Variants in LRRC8A observed in about 807,000 individuals in gnomAD.
LRRC8A encodes leucine rich repeat containing 8 VRAC subunit A, also known as volume-regulated anion channel subunit LRRC8A.
LRRC8A carries 24 observed loss-of-function variants against 52.5 expected under a neutral mutation model. The ratio of observed to expected loss-of-function variants is 0.46; its 90% CI spans 0.33 to 0.64. The LOEUF (loss-of-function observed/expected upper bound fraction) is 0.64, where lower values mean the gene tolerates loss of function less well. Among genes scored for constraint, LRRC8A ranks in the 30% least tolerant of loss-of-function variants. The pLI, the probability that LRRC8A is intolerant of heterozygous loss-of-function variation, is 0.02. For synonymous variants in LRRC8A, 492 were observed against 494.2 expected (o/e 1.00, Z 0.06); for missense variants, 677 against 1,094.7 (o/e 0.62, Z 5.38).
chr9:128,887,787 G>C (rs933225034), intron 2 of LRRC8A, among the ~76,000 whole-genome samples: 6 of 151,952 alleles, frequency 3.9e-5, no homozygotes, highest in Non-Finnish European at 8.8e-5. Flanking sequence ...GACTACAGGC[G>C]CCCGCCACCA....
At chr9:128,910,797 CCTG>C (rs1268282871) in intron 3 of LRRC8A, among the ~76,000 whole-genome samples, 1 of 152,190 alleles carries the variant, frequency 6.6e-6, no homozygotes, top group Non-Finnish European at 1.5e-5. Context: ...GAAAACCACT[CCTG>C]CTTATAAAAA....
At chr9:128,883,088 A>G (rs1023119907) in intron 1 of LRRC8A, among the ~76,000 whole-genome samples, 6 of 151,748 alleles carry the variant, frequency 4.0e-5, no homozygotes, top group African/African-American at 1.5e-4. Flanking sequence ...GGAAGGAGGG[A>G]TGGGTCGGGG....
At chr9:128,889,562 C>G (rs1278483557) in intron 2 of LRRC8A, among the ~76,000 whole-genome samples, 1 of 151,628 alleles carries the variant, frequency 6.6e-6, no homozygotes, top group Non-Finnish European at 1.5e-5. Context: ...GTGGCACAAT[C>G]TTGCTCACTG....
chr9:128,907,248 A>C lies in LRRC8A; in HGVS notation c.84A>C (p.Thr28=), dbSNP rs1211225967. ...RILKPWWDVF[T]DYISIVMLMI... is the part of the protein sequence containing the mutation. ...TGAAGCCGTGGTGGGATGTGTTCACAGACTACATCTCTATCGTCATGCTGA... is the reference window on the plus strand; with the variant it reads ...TGAAGCCGTGGTGGGATGTGTTCACCGACTACATCTCTATCGTCATGCTGA... The change falls in exon 3 of 4, where the codon ACA becomes ACC. Residue 28 remains threonine, a synonymous_variant. Coordinates refer to ENST00000372600, the MANE Select transcript of LRRC8A (RefSeq NM_019594.4). The surrounding 1 kb of genome is among the most constrained non-coding windows in gnomAD (Gnocchi z 9.3). 1 of 1,614,102 alleles carries C rather than the reference A, an allele frequency of 6.2e-7. No homozygotes were observed. Among genetic ancestry groups the C allele is most frequent in the South Asian group, 1.1e-5 (1 of 91,088 alleles).
rs531486624 is a variant in LRRC8A at position 128,899,331 on chromosome 9, G to C, written c.-8-7826G>C. ...GCCACCCCCACCCCACGCCTCAAAG[G>C]CTCCCTTCCCTTCCGGGGCATTTCT... On this transcript the variant is annotated intron_variant, in intron 2 of 3. Transcript: ENST00000372600. The surrounding 1 kb of genome is among the most constrained non-coding windows in gnomAD (Gnocchi z 4.0). Among the ~76,000 whole-genome samples, 1 of 152,030 alleles carries C rather than the reference G, an allele frequency of 6.6e-6. No individual in the cohort carries two copies. The highest frequency in any genetic ancestry group is 2.1e-4 in the South Asian group (1 of 4,816).
At chr9:128,901,914 G>A (rs2130992035) in intron 2 of LRRC8A, among the ~76,000 whole-genome samples, 1 of 152,348 alleles carries the variant, frequency 6.6e-6, no homozygotes, top group Non-Finnish European at 1.5e-5. Context: ...CCTCTTTCCT[G>A]ATCTCCCCCG....
chr9:128,883,410 C>T (rs1431478347), intron 1 of LRRC8A, among the ~76,000 whole-genome samples: 2 of 152,190 alleles, frequency 1.3e-5, no homozygotes. Flanking sequence ...CTGATACTTC[C>T]TGTGGAGGGG....
At chr9:128,898,444 C>G (rs1003938130) in intron 2 of LRRC8A, among the ~76,000 whole-genome samples, 1 of 152,216 alleles carries the variant, frequency 6.6e-6, no homozygotes, top group South Asian at 2.1e-4. Flanking sequence ...TCCTGGAGCC[C>G]TCTGATGGTT....
At chr9:128,893,819 A>AAC (rs1564520828) in intron 2 of LRRC8A, among the ~76,000 whole-genome samples, 3 of 152,088 alleles carry the variant, frequency 2.0e-5, no homozygotes, top group African/African-American at 4.8e-5. Flanking sequence ...ACTTAACTAT[A>AAC]TATAGTTCTG....
chr9:128,886,276 C>T (rs1839391458), intron 2 of LRRC8A, among the ~76,000 whole-genome samples, 155 bp downstream of exon 2: 1 of 152,240 alleles, frequency 6.6e-6, no homozygotes, highest in Admixed American at 6.5e-5. Context: ...GAATTACTCT[C>T]TTCCTCCTTC....
chr9:128,900,258 C>G (rs1322482692), intron 2 of LRRC8A, among the ~76,000 whole-genome samples: 2 of 152,368 alleles, frequency 1.3e-5, no homozygotes, highest in South Asian at 2.1e-4. Context: ...ACCTTGTCCC[C>G]TTTCAGGTGC....
rs1016517827 is a variant in LRRC8A, at chr9:128,903,877, A to G, written c.-8-3280A>G. Among the ~76,000 whole-genome samples the G allele has an allele frequency of 6.6e-5, 10 of 152,142 alleles. No homozygotes were observed. In the South Asian group the frequency reaches 1.9e-3, roughly 28 times the overall value. ...ACACCGTCTCTACTAAAAATACAAAAATTAGCTGGATGTGGTGGCGGGCGT... is the reference window on the plus strand; with the variant it reads ...ACACCGTCTCTACTAAAAATACAAAGATTAGCTGGATGTGGTGGCGGGCGT... On this transcript the variant is annotated intron_variant, in intron 2 of 3. Coordinates refer to ENST00000372600, the MANE Select transcript of LRRC8A (RefSeq NM_019594.4).
rs1160604631 is a variant in LRRC8A, at chr9:128,899,081, G to A, written c.-8-8076G>A. On this transcript the variant is annotated intron_variant, in intron 2 of 3. Transcript: ENST00000372600. The surrounding 1 kb of genome is among the most constrained non-coding windows in gnomAD (Gnocchi z 4.0). The stretch of plus-strand genomic sequence containing the variant: ...GCGGGGGTGGGCAGCTGAGGGGGAA[G>A]GAGGAGTCCAGGCTGGGCAGAGGCC... 6.6e-6 allele frequency among the ~76,000 whole-genome samples: 1 copy of A among 152,176 alleles called. No individual in the cohort carries two copies. Among genetic ancestry groups the A allele is most frequent in the Non-Finnish European group, 1.5e-5 (1 of 68,020 alleles).
At chr9:128,888,641 G>A (rs1839488311) in intron 2 of LRRC8A, among the ~76,000 whole-genome samples, 1 of 152,152 alleles carries the variant, frequency 6.6e-6, no homozygotes, top group Non-Finnish European at 1.5e-5. Flanking sequence ...GGAAGGGTTT[G>A]GGCAAGGAGA....
chr9:128,894,335 T>A (rs1839739317), intron 2 of LRRC8A, among the ~76,000 whole-genome samples: 1 of 151,698 alleles, frequency 6.6e-6, no homozygotes, highest in Non-Finnish European at 1.5e-5. Flanking sequence ...TACAAAAAAA[T>A]TTGCCGGGCA....
chr9:128,904,654 C>G (rs1050828503), intron 2 of LRRC8A, among the ~76,000 whole-genome samples: 23 of 152,078 alleles, frequency 1.5e-4, no homozygotes, highest in Non-Finnish European at 2.8e-4. Context: ...TTGAAACCAA[C>G]TTGGCCAACA....
intron 3 of LRRC8A, among the ~76,000 whole-genome samples, chr9:128,913,563 G>A (rs576387459): frequency 1.3e-5 from 2 of 152,278 alleles, no homozygotes; most frequent in East Asian, 3.9e-4. Context: ...TTCTCTCTGG[G>A]GCCTGGAGAG....
rs1840345826 is a variant in LRRC8A, at chr9:128,908,367, G to T, written c.1203G>T (p.Lys401Asn). Residue 401 changes from lysine to asparagine, a missense_variant, in exon 3 of 4, where the codon AAG becomes AAT. By Grantham distance (94) the Lys-to-Asn change is moderately conservative. Transcript: ENST00000372600. The stretch of plus-strand genomic sequence containing the variant: ...TCCTGTCGGAGGTGAGTGAGAACAA[G>T]CTGCGGCAGCTGAACCTCAACAACG... ...AVFLSEVSEN[K>N]LRQLNLNNEW... The T allele has an allele frequency of 1.2e-6, 2 of 1,613,846 alleles. No homozygotes were observed. The highest frequency in any genetic ancestry group is 2.7e-5 in the African/African-American group (2 of 74,942).
chr9:128,903,692 C>T (rs955296320), intron 2 of LRRC8A, among the ~76,000 whole-genome samples: 2 of 150,578 alleles, frequency 1.3e-5, no homozygotes, highest in Non-Finnish European at 3.0e-5. Context: ...GGATTACAGG[C>T]GTGAGCCTCT....
Sources: gnomAD v4.1 joint callset for allele counts (sites outside exome capture counted in the v4.1 genomes callset) on GRCh38, gnomAD v4.1.1 for gene constraint, Gnocchi (gnomAD v3.1) non-coding constraint, MANE v1.5 for transcripts, NCBI Gene and HGNC (gene_info 2026-07-23, HGNC 2026-07-21) for gene names.